The following B4GALNT2 variants were observed in gnomAD, a reference collection of about 807,000 sequenced individuals.
B4GALNT2 encodes beta-1,4-N-acetyl-galactosaminyltransferase 2 (SID blood group).
Under a neutral mutation model 51.1 loss-of-function variants are expected in B4GALNT2, and 42 were observed. That is an observed-to-expected ratio of 0.82 (90% CI 0.64 to 1.06). The LOEUF is 1.06. Among genes scored for constraint, B4GALNT2 ranks in the 50% least tolerant of loss-of-function variants. The pLI is 0.00. For synonymous variants in B4GALNT2, 253 were observed against 251.7 expected, an observed-to-expected ratio of 1.01 and a Z score of -0.05; for missense variants, 602 against 633.6, an observed-to-expected ratio of 0.95 and a Z score of 0.54.
At position 49,142,305 on chromosome 17, in the gene B4GALNT2, T is replaced by C. The variant is rs112283922; in HGVS notation, c.353+133T>C. ...TGCAAGGGTCCCTGGGAGGAACTAT[T>C]AGGAATGAAACAAAGAAGGAATCGA... On this transcript the variant is annotated intron_variant, in intron 3 of 10. Transcript: ENST00000393354. The C allele has an allele frequency of 1.5e-3, 1,751 of 1,153,274 alleles. 25 individuals are homozygous for C. In the African/African-American group the frequency reaches 0.024, roughly 16 times the overall value. The allele number at this position is 1,153,274 out of a possible 1,614,324, so 71.4% of individuals were successfully genotyped here.
intron 8 of B4GALNT2, among the ~76,000 whole-genome samples, chr17:49,164,683 G>A (rs1314990132): frequency 6.6e-6 from 1 of 151,874 alleles, no homozygotes; most frequent in Non-Finnish European, 1.5e-5. Flanking sequence ...TGTATTTTTA[G>A]TAGAGGCAGG....
At chr17:49,137,694 T>G (rs924158564) in intron 1 of B4GALNT2, among the ~76,000 whole-genome samples, 1 of 152,084 alleles carries the variant, frequency 6.6e-6, no homozygotes, top group Non-Finnish European at 1.5e-5. Flanking sequence ...AAAAACACAT[T>G]TTACCAAAAA....
Position 49,158,161 on chromosome 17 carries a change from AGT to A in B4GALNT2, c.499-874_499-873del, listed in dbSNP as rs895073177. Among the ~76,000 whole-genome samples, 3 of 152,220 alleles carry A rather than the reference AGT, an allele frequency of 2.0e-5. No individual in the cohort carries two copies. The South Asian group carries it at 6.2e-4, about 32-fold the overall frequency. ...CTTCCCTTGGGGCCTGGAACAACTG[AGT>A]GGATGGAGGTGCCATCCACAAGGCA... is the stretch of plus-strand genomic sequence containing the variant. On this transcript the variant is annotated intron_variant, in intron 5 of 10. Transcript: ENST00000393354.
At position 49,164,420 on chromosome 17, in the gene B4GALNT2, T is replaced by C. The variant is rs963966052; in HGVS notation, c.954+145T>C. ...GTGGGAGTGGGTGAGGGCTGTCCTC[T>C]GAGTCCCATTGCTGATTCACAGAGA... On this transcript the variant is annotated intron_variant, in intron 8 of 10. Coordinates refer to ENST00000393354, the MANE Select transcript of B4GALNT2 (RefSeq NM_001159387.2). 5.1e-5 allele frequency: 33 copies of C among 643,592 alleles called. No individual in the cohort carries two copies. In the African/African-American group the frequency reaches 5.3e-4, roughly 10 times the overall value. 39.9% of individuals were successfully genotyped at this position (643,592 alleles called of 1,614,324 possible). A position where few individuals can be genotyped will look rare whatever the true frequency, so the allele number is the denominator to read the frequency against.
intron 1 of B4GALNT2, 157 bp downstream of exon 1, chr17:49,132,963 C>T: frequency 7.1e-7 from 1 of 1,411,986 alleles, no homozygotes; most frequent in Non-Finnish European, 9.2e-7. Context: ...AACCGGTTCC[C>T]CGCATAGGTG....
At chr17:49,124,414 A>AAAGTTT in the B4GALNT2 span, among the ~76,000 whole-genome samples, 2 of 152,220 alleles carry the variant, frequency 1.3e-5, no homozygotes, top group African/African-American at 4.8e-5. Flanking sequence ...TGGATGACAA[A>AAAGTTT]AAGTTTTAGG....
chr17:49,140,725 CTTT>C (rs3086734), intron 1 of B4GALNT2, among the ~76,000 whole-genome samples: 1 of 131,720 alleles, frequency 7.6e-6, no homozygotes. Flanking sequence ...CATTACTAAC[CTTT>C]TTTTTTTTTT....
chr17:49,121,718 AC>A, the B4GALNT2 span, among the ~76,000 whole-genome samples: 3 of 152,152 alleles, frequency 2.0e-5, no homozygotes, highest in African/African-American at 7.2e-5. Context: ...AAATGGACCC[AC>A]CACAGTGAAA....
chr17:49,129,396 G>A (rs765844757), upstream of B4GALNT2, among the ~76,000 whole-genome samples: 1 of 152,180 alleles, frequency 6.6e-6, no homozygotes, highest in Non-Finnish European at 1.5e-5. Flanking sequence ...AAAGTAAAGT[G>A]AGAGACAAGA....
chr17:49,161,815 C>A (rs1011015509), intron 7 of B4GALNT2, among the ~76,000 whole-genome samples: 1 of 151,482 alleles, frequency 6.6e-6, no homozygotes, highest in Non-Finnish European at 1.5e-5. Flanking sequence ...CGAGATCCTG[C>A]CACTGCACTC....
intron 1 of B4GALNT2, among the ~76,000 whole-genome samples, chr17:49,138,303 A>G (rs1190203866): frequency 6.6e-6 from 1 of 152,242 alleles, no homozygotes; most frequent in Non-Finnish European, 1.5e-5. Flanking sequence ...TAAGCGCCCA[A>G]GAGATCAAGA....
chr17:49,153,688 A>C (rs2042780909), intron 4 of B4GALNT2, among the ~76,000 whole-genome samples: 1 of 151,734 alleles, frequency 6.6e-6, no homozygotes. Context: ...TTGTATTTTT[A>C]GTAGAGACGG....
chr17:49,168,845 G>C lies in B4GALNT2; in HGVS notation c.1260G>C (p.Thr420=). Reference sequence around the variant, plus strand: ...TGGTCAACTTCTTCCTGGCCCACACGGAGCGACTCCAAAGAGTTGGCTTTG... The same window carrying C: ...TGGTCAACTTCTTCCTGGCCCACACCGAGCGACTCCAAAGAGTTGGCTTTG... ...SGVVNFFLAH[T]ERLQRVGFDP... Residue 420 remains threonine, a synonymous_variant, in exon 10 of 11, where the codon ACG becomes ACC. Coordinates refer to ENST00000393354, the MANE Select transcript of B4GALNT2 (RefSeq NM_001159387.2). The C allele has an allele frequency of 6.2e-7, 1 of 1,613,538 alleles. No homozygotes were observed. The highest frequency in any genetic ancestry group is 8.5e-7 in the Non-Finnish European group (1 of 1,180,010).
chr17:49,155,980 G>T (rs889351842), intron 4 of B4GALNT2, among the ~76,000 whole-genome samples: 4 of 152,000 alleles, frequency 2.6e-5, no homozygotes, highest in African/African-American at 9.7e-5. Context: ...GCCCGCCTCG[G>T]CCTCCCAAAG....
chr17:49,158,724 AAG>A (rs765056723), intron 5 of B4GALNT2, among the ~76,000 whole-genome samples: 17 of 152,064 alleles, frequency 1.1e-4, no homozygotes, highest in Non-Finnish European at 2.5e-4. Flanking sequence ...GGAGTTGTCA[AAG>A]AGAGGTCAAA....
upstream of B4GALNT2, among the ~76,000 whole-genome samples, chr17:49,132,236 A>C (rs2042545470): frequency 6.6e-6 from 1 of 152,214 alleles, no homozygotes; most frequent in African/African-American, 2.4e-5. Context: ...AAGGTCCTGC[A>C]AATCTAATTT....
At chr17:49,164,403 G>A in intron 8 of B4GALNT2, 128 bp downstream of exon 8, 2 of 785,302 alleles carry the variant, frequency 2.5e-6, no homozygotes, top group Non-Finnish European at 4.0e-6. Context: ...GAGTGGGAGT[G>A]GGTGAGGGCT....
rs746224550 is a variant in B4GALNT2, at chr17:49,168,890, G to A, written c.1305G>A (p.Val435=). Residue 435 remains valine (V), a synonymous_variant, in exon 10 of 11, where the codon GTG becomes GTA. Transcript: ENST00000393354. ...RVGFDPRLQR[V]AHSEFFIDGL... ...GCTTTGATCCCCGCCTGCAACGAGT[G>A]GCTCACTCAGGTGGGAAGGCTGAAA... 5 of 1,612,080 alleles carry A rather than the reference G, an allele frequency of 3.1e-6. No homozygotes were observed. Among genetic ancestry groups the A allele is most frequent in the East Asian group, 4.5e-5 (2 of 44,882 alleles).
chr17:49,131,806 C>T (rs1442794108), upstream of B4GALNT2, among the ~76,000 whole-genome samples: 2 of 152,016 alleles, frequency 1.3e-5, no homozygotes, highest in African/African-American at 2.4e-5. Flanking sequence ...ACACCGCACC[C>T]GGCCCCATTT....
Sources: allele counts gnomAD v4.1 joint callset (sites outside exome capture counted in the v4.1 genomes callset), GRCh38; gene constraint gnomAD v4.1.1; transcripts MANE v1.5; gene names NCBI Gene and HGNC (gene_info 2026-07-23, HGNC 2026-07-21).